The following SEPSECS variants were observed in gnomAD, a reference collection of about 807,000 sequenced individuals.
The protein encoded by SEPSECS is Sep (O-phosphoserine) tRNA:Sec (selenocysteine) tRNA synthase, also known as O-phosphoseryl-tRNA(Sec) selenium transferase.
In SEPSECS, 42 loss-of-function variants were observed where a neutral mutation model predicts 52.1. That is an observed-to-expected ratio of 0.81 (90% CI 0.63 to 1.04). SEPSECS has a LOEUF of 1.04. SEPSECS is among the 50% of genes least tolerant of loss of function. The pLI, the probability that SEPSECS is intolerant of heterozygous loss-of-function variation, is 0.00. For missense variants in SEPSECS, 590 were observed against 610.6 expected (o/e 0.97, Z 0.36); for synonymous variants, 216 against 211.4 (o/e 1.02, Z -0.19).
intron 6 of SEPSECS, among the ~76,000 whole-genome samples, chr4:25,150,178 T>A (rs1227900874): frequency 6.6e-5 from 10 of 152,250 alleles, no homozygotes; most frequent in Admixed American, 6.5e-4. Context: ...ATAGTATCTA[T>A]TGTGCTTCAG....
At chr4:25,124,272 C>T (rs1728268640) in intron 10 of SEPSECS, 47 bp from the exon 11 acceptor site, 3 of 1,550,472 alleles carry the variant, frequency 1.9e-6, no homozygotes, top group South Asian at 1.1e-5. Context: ...GTAATGGTAA[C>T]ACAATGTCAC....
At chr4:25,140,478 A>G (rs1729016047) in intron 8 of SEPSECS, among the ~76,000 whole-genome samples, 1 of 152,222 alleles carries the variant, frequency 6.6e-6, no homozygotes, top group Non-Finnish European at 1.5e-5. Flanking sequence ...AGAGAATAGG[A>G]GACCCAATTG....
intron 6 of SEPSECS, 83 bp downstream of exon 6, chr4:25,151,877 C>G (rs1712323724): frequency 2.5e-6 from 2 of 799,620 alleles, no homozygotes; most frequent in Non-Finnish European, 4.4e-6. Flanking sequence ...TTTACTATAT[C>G]AGATTGTAAG....
intron 6 of SEPSECS, among the ~76,000 whole-genome samples, chr4:25,150,733 C>G (rs1473597980): frequency 1.3e-5 from 2 of 152,134 alleles, no homozygotes; most frequent in Non-Finnish European, 2.9e-5. Flanking sequence ...GGGCTGGGCG[C>G]AGTGGCTCAC....
At position 25,121,394 on chromosome 4, in the gene SEPSECS, T is replaced by C. The variant is rs545972767; in HGVS notation, c.*2537A>G. ...AACTCCAATATTTTACCTGATAGTT[T>C]TAATAAGGGTAGTTGGGTCAAAAAG... On this transcript the variant is annotated 3_prime_UTR_variant, in exon 11 of 11. Transcript: ENST00000382103. 2.0e-5 allele frequency: 3 copies of C among 152,182 alleles called. No individual in the cohort carries two copies. The highest frequency in any genetic ancestry group is 4.4e-5 in the Non-Finnish European group (3 of 68,010). The allele number at this position is 152,182 out of a possible 1,614,324, so 9.4% of individuals were successfully genotyped here.
chr4:25,160,225 G>A, intron 1 of SEPSECS, 31 bp downstream of exon 1: 2 of 1,548,690 alleles, frequency 1.3e-6, no homozygotes, highest in Non-Finnish European at 1.7e-6. Context: ...CGGGGTCGCG[G>A]CGGCTGGGGA....
chr4:25,149,444 T>G (rs921008647), intron 6 of SEPSECS, among the ~76,000 whole-genome samples: 1 of 152,064 alleles, frequency 6.6e-6, no homozygotes, highest in Non-Finnish European at 1.5e-5. Flanking sequence ...AAAATGATCA[T>G]TATGAAAACT....
At chr4:25,141,371 T>C (rs990755365) in intron 8 of SEPSECS, among the ~76,000 whole-genome samples, 1 of 152,210 alleles carries the variant, frequency 6.6e-6, no homozygotes, top group Non-Finnish European at 1.5e-5. Context: ...AGTTCTCTCT[T>C]AATCCTAAAC....
intron 1 of SEPSECS, 104 bp from the exon 2 acceptor site, chr4:25,159,211 G>A: frequency 1.0e-6 from 1 of 987,586 alleles, no homozygotes; most frequent in Non-Finnish European, 1.5e-6. Context: ...TTGCCACGCT[G>A]CTTGTTTTCT....
At chr4:25,141,814 A>ACTCCCACAGTTCTCCTTGCTCTTTTTG (rs1711566908) in intron 8 of SEPSECS, among the ~76,000 whole-genome samples, 1 of 151,490 alleles carries the variant, frequency 6.6e-6, no homozygotes, top group Non-Finnish European at 1.5e-5. Context: ...CCTGACCTCA[A>ACTCCCACAGTTCTCCTTGCTCTTTTTG]CTCCCACAGT....
intron 6 of SEPSECS, among the ~76,000 whole-genome samples, chr4:25,151,310 G>C (rs936987572): frequency 6.6e-6 from 1 of 152,128 alleles, no homozygotes; most frequent in South Asian, 2.1e-4. Context: ...GTGCAGGCAC[G>C]TGACAAAATG....
At chr4:25,127,393 A>G (rs746159066) in intron 8 of SEPSECS, 36 bp from the exon 9 acceptor site, 1 of 1,443,854 alleles carries the variant, frequency 6.9e-7, no homozygotes, top group Non-Finnish European at 9.7e-7. Flanking sequence ...AAACAAATCA[A>G]ATATCTACTG....
At position 25,129,421 on chromosome 4, in the gene SEPSECS, C is replaced by T. The variant is rs560465637; in HGVS notation, c.1027-2064G>A. On this transcript the variant is annotated intron_variant, in intron 8 of 10. Transcript: ENST00000382103. ...GGTGGATCACCTGAGGTCAGGAGTT[C>T]GAGACCAGCCTGGCCAACATGGTGA... Among the ~76,000 whole-genome samples, 298 of 149,280 alleles carry T rather than the reference C, an allele frequency of 2.0e-3. 1 individual carries two copies. The South Asian group carries it at 0.021, about 11-fold the overall frequency.
chr4:25,155,726 T>C (rs1712583134), intron 4 of SEPSECS, among the ~76,000 whole-genome samples: 1 of 152,176 alleles, frequency 6.6e-6, no homozygotes, highest in African/African-American at 2.4e-5. Context: ...GAAAACAAAA[T>C]GTATACTGTA....
chr4:25,139,162 T>C (rs545005591), intron 8 of SEPSECS, among the ~76,000 whole-genome samples: 16 of 152,290 alleles, frequency 1.1e-4, no homozygotes, highest in African/African-American at 3.6e-4. Flanking sequence ...CTCATCAGAT[T>C]TGTAACTATT....
chr4:25,156,231 C>T (rs532138936), intron 3 of SEPSECS, 36 bp from the exon 4 acceptor site: 44 of 1,579,428 alleles, frequency 2.8e-5, no homozygotes, highest in South Asian at 1.0e-4. Flanking sequence ...TCTGTTATCC[C>T]GCTAAGCACC....
chr4:25,146,154 T>A (rs1401733656), intron 6 of SEPSECS, among the ~76,000 whole-genome samples: 1 of 152,238 alleles, frequency 6.6e-6, no homozygotes, highest in Non-Finnish European at 1.5e-5. Flanking sequence ...TCTTTATCTG[T>A]AGCCACAGAT....
At chr4:25,144,973 A>C (rs746912536) in intron 7 of SEPSECS, 31 bp downstream of exon 7, 8 of 1,613,016 alleles carry the variant, frequency 5.0e-6, no homozygotes, top group Non-Finnish European at 6.8e-6. Context: ...TTTGTTAGCT[A>C]CTTTTTCTGA....
Position 25,158,982 on chromosome 4 carries a change from T to A in SEPSECS, c.240A>T (p.Ala80=). The A allele has an allele frequency of 6.2e-7, 1 of 1,613,994 alleles. No individual in the cohort carries two copies. The highest frequency in any genetic ancestry group is 8.5e-7 in the Non-Finnish European group (1 of 1,179,878). Residue 80 remains alanine, a synonymous_variant, in exon 2 of 11, where the codon GCA becomes GCT. Coordinates refer to ENST00000382103, the MANE Select transcript of SEPSECS (RefSeq NM_016955.4). ...AATGACGACGAGCAACCAGTGCGGA[T>A]GCCACTCTCCCTTCCCTTTCTCCCA... is the stretch of plus-strand genomic sequence containing the variant. ...CGVGEREGRV[A]SALVARRHYR... is the part of the protein sequence containing the mutation.
Sources: gnomAD v4.1 joint callset for allele counts (sites outside exome capture counted in the v4.1 genomes callset) on GRCh38, gnomAD v4.1.1 for gene constraint, MANE v1.5 for transcripts, NCBI Gene and HGNC (gene_info 2026-07-23, HGNC 2026-07-21) for gene names.